The following XKR6 variants were observed in gnomAD, a reference collection of about 807,000 sequenced individuals.
XKR6 encodes XK related 6, also known as XK-related protein 6.
XKR6 carries 22 observed loss-of-function variants against 56.7 expected under a neutral mutation model. The ratio of observed to expected loss-of-function variants is 0.39; its 90% confidence interval spans 0.28 to 0.55. The LOEUF is 0.55. Ranked by LOEUF, XKR6 falls within the 20% of genes least tolerant of loss-of-function variation. XKR6 has a pLI of 0.66. For missense variants in XKR6, 852 were observed against 889.0 expected, an observed-to-expected ratio of 0.96 and a Z score of 0.53; for synonymous variants, 524 against 387.8, an observed-to-expected ratio of 1.35 and a Z score of -4.13.
At chr8:10,922,152 G>C (rs1426791953) in intron 2 of XKR6, among the ~76,000 whole-genome samples, 2 of 152,206 alleles carry the variant, frequency 1.3e-5, no homozygotes, top group African/African-American at 4.8e-5. Flanking sequence ...ATAAATCTCT[G>C]CTCTTTATAA....
Position 11,201,352 on chromosome 8 carries a change from C to A in XKR6, c.-13G>T. On this transcript the variant is annotated 5_prime_UTR_variant, in exon 1 of 3. Coordinates refer to ENST00000416569, the MANE Select transcript of XKR6 (RefSeq NM_173683.4). ...ATTTCGCCGCCATCTTGACTCTCTT[C>A]CCAGCTCCGGAGGTTGGGGGGGAGG... 2 of 1,508,388 alleles carry A rather than the reference C, an allele frequency of 1.3e-6. No individual in the cohort carries two copies. Among genetic ancestry groups the A allele is most frequent in the Non-Finnish European group, 8.8e-7 (1 of 1,137,948 alleles). The allele number at this position is 1,508,388 out of a possible 1,614,324, so 93.4% of individuals were successfully genotyped here.
chr8:11,198,376 C>G (rs148086961), intron 1 of XKR6, among the ~76,000 whole-genome samples: 1,269 of 107,154 alleles, frequency 0.012, 13 homozygotes, highest in African/African-American at 0.042. Context: ...AAATAACTTA[C>G]TAAAATTAGC....
chr8:11,015,579 G>A lies in XKR6; in HGVS notation c.765-90749C>T, dbSNP rs554804255. ...GCCGGCCAGGTCTGACCGAGGGGAT[G>A]AGTGTCTGAAGCCAGGGGGCTCTGG... On this transcript the variant is annotated intron_variant, in intron 1 of 2. Coordinates refer to ENST00000416569, the MANE Select transcript of XKR6 (RefSeq NM_173683.4). 4.6e-5 allele frequency among the ~76,000 whole-genome samples: 7 copies of A among 152,274 alleles called. No homozygotes were observed. The East Asian group carries it at 1.2e-3, about 25-fold the overall frequency.
chr8:10,988,884 G>C (rs60426192), intron 1 of XKR6, among the ~76,000 whole-genome samples: 2 of 152,226 alleles, frequency 1.3e-5, no homozygotes, highest in African/African-American at 4.8e-5. Context: ...CTGTCCGGTG[G>C]CTTGTGGAAC....
intron 1 of XKR6, among the ~76,000 whole-genome samples, chr8:10,983,818 G>A (rs1035246572): frequency 3.9e-5 from 6 of 152,000 alleles, no homozygotes; most frequent in Non-Finnish European, 8.8e-5. Context: ...ACCATGCCCG[G>A]CTAATTTTTT....
At chr8:11,084,202 A>G (rs111641667) in intron 1 of XKR6, among the ~76,000 whole-genome samples, 2,432 of 152,276 alleles carry the variant, frequency 0.016, 79 homozygotes, top group African/African-American at 0.056. Flanking sequence ...GTGCTTACTG[A>G]CCTAATTAGG....
rs144252648 is a variant in XKR6 at position 11,197,165 on chromosome 8, A to C, written c.764+3411T>G. Among the ~76,000 whole-genome samples the C allele has an allele frequency of 5.9e-5, 9 of 152,358 alleles. No individual in the cohort carries two copies. The East Asian group carries it at 1.7e-3, about 29-fold the overall frequency. On this transcript the variant is annotated intron_variant, in intron 1 of 2. Transcript: ENST00000416569. ...AAAGAACCACTGACGATCCTCTTAAATATGGCAAGTGGTATAAACAAGTTA... is the reference window on the plus strand; with the variant it reads ...AAAGAACCACTGACGATCCTCTTAACTATGGCAAGTGGTATAAACAAGTTA...
At chr8:11,118,740 T>G (rs1348713454) in intron 1 of XKR6, among the ~76,000 whole-genome samples, 3 of 152,260 alleles carry the variant, frequency 2.0e-5, no homozygotes, top group Admixed American at 6.5e-5. Flanking sequence ...TCAATTTGGC[T>G]GATCTTTTCA....
At chr8:11,184,920 G>A (rs1041185092) in intron 1 of XKR6, among the ~76,000 whole-genome samples, 4 of 152,088 alleles carry the variant, frequency 2.6e-5, no homozygotes, top group African/African-American at 9.7e-5. Context: ...TTAGTATACA[G>A]CACATCCTCA....
rs1801730156 is a variant in XKR6 at position 11,160,272 on chromosome 8, T to C, written c.764+40304A>G. Among the ~76,000 whole-genome samples the C allele has an allele frequency of 3.3e-5, 5 of 152,134 alleles. No homozygotes were observed. The South Asian group carries it at 1.0e-3, about 32-fold the overall frequency. ...TTTCTGTTGTTTGCTGCTAAAAACA[T>C]CACAATTTATTTTTTTAAAAGGATA... On this transcript the variant is annotated intron_variant, in intron 1 of 2. Transcript: ENST00000416569.
chr8:10,983,743 C>A (rs539574173), intron 1 of XKR6, among the ~76,000 whole-genome samples: 1 of 152,056 alleles, frequency 6.6e-6, no homozygotes, highest in South Asian at 2.1e-4. Flanking sequence ...GCAAGCTCCG[C>A]CTCCCAGGTT....
At chr8:11,127,625 T>A (rs1799876681) in intron 1 of XKR6, among the ~76,000 whole-genome samples, 1 of 152,148 alleles carries the variant, frequency 6.6e-6, no homozygotes, top group Non-Finnish European at 1.5e-5. Context: ...CTCTCTCTAG[T>A]TCTGACCACC....
At chr8:10,966,508 C>A (rs183592175) in intron 1 of XKR6, among the ~76,000 whole-genome samples, 3 of 152,038 alleles carry the variant, frequency 2.0e-5, no homozygotes, top group Non-Finnish European at 4.4e-5. Context: ...CCCGTCTCTA[C>A]TAAAAATACA....
At chr8:11,010,167 G>A (rs1028055227) in intron 1 of XKR6, among the ~76,000 whole-genome samples, 3 of 152,108 alleles carry the variant, frequency 2.0e-5, no homozygotes, top group African/African-American at 4.8e-5. Context: ...ACAGGAGGAA[G>A]AGAGAGAAGC....
At chr8:11,094,257 C>T (rs1445711707) in intron 1 of XKR6, among the ~76,000 whole-genome samples, 4 of 152,136 alleles carry the variant, frequency 2.6e-5, no homozygotes, top group South Asian at 2.1e-4. Flanking sequence ...GTATGTATCT[C>T]GGCTCACTGC....
At chr8:11,034,760 G>A (rs767513112) in intron 1 of XKR6, among the ~76,000 whole-genome samples, 2 of 152,334 alleles carry the variant, frequency 1.3e-5, no homozygotes, top group African/African-American at 4.8e-5. Flanking sequence ...TGATGGGGAA[G>A]GGGTGATGGG....
At chr8:10,927,030 G>C (rs1800908427) in intron 1 of XKR6, among the ~76,000 whole-genome samples, 1 of 152,202 alleles carries the variant, frequency 6.6e-6, no homozygotes, top group Non-Finnish European at 1.5e-5. Context: ...AGGGAGCAGT[G>C]TCAAACTTGG....
intron 1 of XKR6, among the ~76,000 whole-genome samples, chr8:11,095,175 G>A (rs1252416776): frequency 6.6e-6 from 1 of 152,196 alleles, no homozygotes; most frequent in Admixed American, 6.5e-5. Context: ...TAGCGTTCAA[G>A]TTTGTGCAAA....
At chr8:11,142,118 T>C (rs1260053465) in intron 1 of XKR6, among the ~76,000 whole-genome samples, 1 of 152,116 alleles carries the variant, frequency 6.6e-6, no homozygotes, top group Admixed American at 6.5e-5. Context: ...TTTATTTTTA[T>C]ACACACACAT....
Sources: gnomAD v4.1 joint callset for allele counts (sites outside exome capture counted in the v4.1 genomes callset) on GRCh38, gnomAD v4.1.1 for gene constraint, MANE v1.5 for transcripts, NCBI Gene and HGNC (gene_info 2026-07-23, HGNC 2026-07-21) for gene names.